The following PRKRIP1 variants were observed in gnomAD, a reference collection of about 807,000 sequenced individuals.
PRKRIP1 encodes PRKR-interacting protein 1.
A neutral mutation model predicts 29.3 loss-of-function variants in PRKRIP1; 29 were observed. That is an observed-to-expected ratio of 0.99 (90% CI 0.74 to 1.35). PRKRIP1 has a LOEUF of 1.35. Among genes scored for constraint, PRKRIP1 ranks in the 40% most tolerant of loss-of-function variants. The pLI, the probability that PRKRIP1 is intolerant of heterozygous loss-of-function variation, is 0.00. For synonymous variants in PRKRIP1, 90 were observed against 85.1 expected (o/e 1.06, Z -0.32); for missense variants, 247 against 236.8 (o/e 1.04, Z -0.28).
chr7:102,414,195 C>T (rs1405124052), intron 5 of PRKRIP1, among the ~76,000 whole-genome samples: 3 of 151,806 alleles, frequency 2.0e-5, no homozygotes, highest in African/African-American at 7.3e-5. Context: ...CACTGCACTC[C>T]AGCCTGGGTG....
intron 5 of PRKRIP1, among the ~76,000 whole-genome samples, chr7:102,408,753 T>A (rs1224477718): frequency 6.6e-6 from 1 of 152,222 alleles, no homozygotes; most frequent in Non-Finnish European, 1.5e-5. Context: ...GGCCCGTGCC[T>A]ATAATCGCAG....
Position 102,425,439 on chromosome 7 carries a change from G to A in PRKRIP1, c.*328G>A. On this transcript the variant is annotated 3_prime_UTR_variant, in exon 6 of 6. Transcript: ENST00000397912. ...GGGAACGTTTATTTAGTAAAGAGCA[G>A]AACACCCTTGCGTTTTGTTGGGACA... is the stretch of plus-strand genomic sequence containing the variant. The A allele has an allele frequency of 2.8e-6, 1 of 361,084 alleles. No homozygotes were observed. The highest frequency in any genetic ancestry group is 5.2e-6 in the Non-Finnish European group (1 of 193,490). The allele number at this position is 361,084 out of a possible 1,614,324, so 22.4% of individuals were successfully genotyped here. A position where few individuals can be genotyped will look rare whatever the true frequency, so the allele number is the denominator to read the frequency against.
At chr7:102,407,563 G>A in intron 5 of PRKRIP1, 65 bp downstream of exon 5, 2 of 1,217,782 alleles carry the variant, frequency 1.6e-6, no homozygotes, top group Non-Finnish European at 2.4e-6. Flanking sequence ...TGGCTGAACT[G>A]TCAGGAAACA....
intron 3 of PRKRIP1, among the ~76,000 whole-genome samples, chr7:102,400,922 C>A (rs1796051050): frequency 1.3e-5 from 2 of 152,158 alleles, no homozygotes; most frequent in South Asian, 4.2e-4. Flanking sequence ...AGGCGTGAGC[C>A]ACCATGCCCG....
rs1273771903 is a variant in PRKRIP1, at chr7:102,426,660, G to A, written c.*1549G>A. On this transcript the variant is annotated 3_prime_UTR_variant, in exon 6 of 6. Coordinates refer to ENST00000397912, the MANE Select transcript of PRKRIP1 (RefSeq NM_024653.4). ...GCCCTAATAAATGAGCACATGCCCT[G>A]GCTGTACATTTTGAAACCTGTTTTT... 2 of 152,700 alleles carry A rather than the reference G, an allele frequency of 1.3e-5. No homozygotes were observed. Among genetic ancestry groups the A allele is most frequent in the Non-Finnish European group, 2.9e-5 (2 of 68,108 alleles). 9.5% of individuals were successfully genotyped at this position (152,700 alleles called of 1,614,324 possible).
chr7:102,418,691 T>C (rs1239094373), intron 5 of PRKRIP1, among the ~76,000 whole-genome samples: 1 of 152,174 alleles, frequency 6.6e-6, no homozygotes, highest in Non-Finnish European at 1.5e-5. Flanking sequence ...TTTGCTTAAT[T>C]GCTCAATGCC....
At chr7:102,410,963 C>A (rs186909682) in intron 5 of PRKRIP1, among the ~76,000 whole-genome samples, 2 of 152,230 alleles carry the variant, frequency 1.3e-5, no homozygotes, top group African/African-American at 4.8e-5. Flanking sequence ...TCTCACTTTG[C>A]CACCCAGGCT....
chr7:102,422,745 G>A (rs1263979689), intron 5 of PRKRIP1, among the ~76,000 whole-genome samples: 1 of 152,082 alleles, frequency 6.6e-6, no homozygotes, highest in East Asian at 1.9e-4. Context: ...CCAAAGTGCT[G>A]GGATTACAGG....
intron 5 of PRKRIP1, among the ~76,000 whole-genome samples, chr7:102,417,811 G>A (rs1362128760): frequency 6.6e-6 from 1 of 151,702 alleles, no homozygotes; most frequent in Non-Finnish European, 1.5e-5. Context: ...GTAGAGACAA[G>A]GGTCTCGCTA....
intron 2 of PRKRIP1, among the ~76,000 whole-genome samples, chr7:102,398,699 G>A (rs899762123): frequency 3.9e-5 from 6 of 152,126 alleles, no homozygotes; most frequent in East Asian, 1.9e-4. Context: ...GAGATGGTGC[G>A]GGTTTAGTTC....
chr7:102,404,706 G>A (rs782741135), intron 4 of PRKRIP1, 23 bp downstream of exon 4: 1 of 1,600,984 alleles, frequency 6.2e-7, no homozygotes, highest in Non-Finnish European at 8.5e-7. Flanking sequence ...GCCTAACTGT[G>A]ATGACACTTA....
chr7:102,414,779 G>A (rs1457872222), intron 5 of PRKRIP1, among the ~76,000 whole-genome samples: 1 of 152,106 alleles, frequency 6.6e-6, no homozygotes, highest in East Asian at 1.9e-4. Context: ...CAGCTACAAG[G>A]GAGGCTGAGG....
At chr7:102,423,415 C>T (rs1796751654) in intron 5 of PRKRIP1, 8 of 302,452 alleles carry the variant, frequency 2.6e-5, no homozygotes, top group South Asian at 2.1e-4. Context: ...TGCCCGGCGC[C>T]TTATACGATT....
In PRKRIP1 at chr7:102,399,552, A is replaced by G. The variant is rs1244537039; in HGVS notation, c.210A>G (p.Ser70=). 2 of 1,613,702 alleles carry G rather than the reference A, an allele frequency of 1.2e-6. No individual in the cohort carries two copies. The highest frequency in any genetic ancestry group is 4.5e-5 in the East Asian group (2 of 44,878). The stretch of plus-strand genomic sequence containing the variant: ...TGTGGACTGTTCTGGCTACAGGTTC[A>G]AGTGCTGGGGCCGGCAGTGGAGAGT... ...PPEFVRDVMG[S]SAGAGSGEFH... is the part of the protein sequence containing the mutation. Residue 70 remains serine, a synonymous_variant, in exon 3 of 6, where the codon TCA becomes TCG. Coordinates refer to ENST00000397912, the MANE Select transcript of PRKRIP1 (RefSeq NM_024653.4).
At chr7:102,422,489 G>T (rs1433184613) in intron 5 of PRKRIP1, among the ~76,000 whole-genome samples, 1 of 151,982 alleles carries the variant, frequency 6.6e-6, no homozygotes, top group African/African-American at 2.4e-5. Flanking sequence ...GATTACAGGT[G>T]CACCACCACG....
At chr7:102,404,848 C>A (rs1053481641) in intron 4 of PRKRIP1, among the ~76,000 whole-genome samples, 165 bp downstream of exon 4, 1 of 152,130 alleles carries the variant, frequency 6.6e-6, no homozygotes, top group Non-Finnish European at 1.5e-5. Flanking sequence ...TTATGACCCT[C>A]CAACTGGTTA....
chr7:102,413,910 A>G (rs1300692627), intron 5 of PRKRIP1, among the ~76,000 whole-genome samples: 1 of 152,118 alleles, frequency 6.6e-6, no homozygotes, highest in Non-Finnish European at 1.5e-5. Flanking sequence ...ATCTTAAAAT[A>G]ATATATAAAC....
chr7:102,403,558 G>T (rs1424920886), intron 3 of PRKRIP1, among the ~76,000 whole-genome samples: 1 of 152,272 alleles, frequency 6.6e-6, no homozygotes, highest in South Asian at 2.1e-4. Context: ...GTGCAGTGGC[G>T]CAATTTCCGG....
chr7:102,400,667 G>C (rs542333895), intron 3 of PRKRIP1, among the ~76,000 whole-genome samples: 3 of 152,184 alleles, frequency 2.0e-5, no homozygotes, highest in Non-Finnish European at 4.4e-5. Context: ...ATGGAGTTTT[G>C]CTCTTGTTGC....
Sources: allele counts gnomAD v4.1 joint callset (sites outside exome capture counted in the v4.1 genomes callset), GRCh38; gene constraint gnomAD v4.1.1; transcripts MANE v1.5; gene names NCBI Gene and HGNC (gene_info 2026-07-23, HGNC 2026-07-21).